Variants in AGBL1 observed in about 807,000 individuals in gnomAD.
AGBL1 encodes cytosolic carboxypeptidase 4.
A neutral mutation model predicts 118.9 loss-of-function variants in AGBL1; 130 were observed. That is an observed-to-expected ratio of 1.09 (90% confidence interval 0.95 to 1.26). AGBL1 has a LOEUF of 1.26. Ranked by LOEUF, AGBL1 falls within the 50% of genes most tolerant of loss-of-function variation. The pLI, the probability that AGBL1 is intolerant of heterozygous loss-of-function variation, is 0.00. For missense variants in AGBL1, 1,584 were observed against 1,298.1 expected (o/e 1.22, Z -3.38); for synonymous variants, 555 against 478.9 (o/e 1.16, Z -2.08).
chr15:86,145,085 G>A (rs151121869), intron 3 of AGBL1, among the ~76,000 whole-genome samples: 1 of 152,170 alleles, frequency 6.6e-6, no homozygotes, highest in African/African-American at 2.4e-5. Flanking sequence ...TTCACGTGCT[G>A]TTCTCCTCTG....
intron 1 of AGBL1, among the ~76,000 whole-genome samples, chr15:86,096,215 T>G (rs976034309): frequency 6.6e-6 from 1 of 152,124 alleles, no homozygotes; most frequent in Admixed American, 6.5e-5. Flanking sequence ...TATAAACACA[T>G]AATGTTATTT....
intron 5 of AGBL1, among the ~76,000 whole-genome samples, chr15:86,196,880 C>T (rs895041717): frequency 3.9e-5 from 1 of 25,914 alleles, no homozygotes; most frequent in African/African-American, 1.5e-4. Context: ...CGCGCGCGCG[C>T]ACACACACAC....
chr15:86,292,340 G>A (rs565253813), intron 16 of AGBL1, among the ~76,000 whole-genome samples: 2 of 152,240 alleles, frequency 1.3e-5, no homozygotes, highest in East Asian at 3.9e-4. Flanking sequence ...GAGGTACCAT[G>A]AGTGAAGGAA....
intron 22 of AGBL1, among the ~76,000 whole-genome samples, chr15:86,706,150 A>C (rs568762841): frequency 6.6e-6 from 1 of 152,100 alleles, no homozygotes; most frequent in Non-Finnish European, 1.5e-5. Flanking sequence ...TATGAATACT[A>C]TTGAAGGTTA....
intron 5 of AGBL1, among the ~76,000 whole-genome samples, chr15:86,199,951 C>G (rs904524967): frequency 6.6e-6 from 1 of 152,144 alleles, no homozygotes; most frequent in Non-Finnish European, 1.5e-5. Context: ...TTCTAACATG[C>G]CTGTGAGTTT....
At chr15:86,090,395 C>A (rs756172101) in intron 1 of AGBL1, among the ~76,000 whole-genome samples, 41 of 152,140 alleles carry the variant, frequency 2.7e-4, no homozygotes, top group African/African-American at 9.7e-4. Context: ...AAGACAACTT[C>A]GTAAGCACTT....
rs905899042 is a variant in AGBL1, at chr15:86,837,044, G to C, written c.3159-70043G>C. Among the ~76,000 whole-genome samples the C allele has an allele frequency of 2.0e-5, 3 of 152,092 alleles. No individual in the cohort carries two copies. In the East Asian group the frequency reaches 5.8e-4, roughly 29 times the overall value. On this transcript the variant is annotated intron_variant, in intron 22 of 22. Transcript: ENST00000614907. ...CCTCTAGCACCTAGAAAAGGGCTTG[G>C]AAGACAGCCACACACACTCCTTTCC...
At chr15:87,031,461 A>ATTTT (rs372512423), downstream of AGBL1, among the ~76,000 whole-genome samples, 101 of 144,064 alleles carry the variant, frequency 7.0e-4, no homozygotes, top group African/African-American at 2.3e-3. Context: ...ATGTCAAATG[A>ATTTT]TTTTTTCTTT....
chr15:87,019,480 A>G (rs1308297312), intron 24 of AGBL1, among the ~76,000 whole-genome samples: 1 of 152,128 alleles, frequency 6.6e-6, no homozygotes. Context: ...ACTTAAAACT[A>G]TATAACTACA....
At chr15:86,925,812 C>T (rs994429276) in intron 23 of AGBL1, among the ~76,000 whole-genome samples, 1 of 150,912 alleles carries the variant, frequency 6.6e-6, no homozygotes, top group Admixed American at 6.6e-5. Flanking sequence ...CTCACTGCAA[C>T]CTCCACCTCC....
chr15:86,609,657 A>T (rs964735442), intron 21 of AGBL1, among the ~76,000 whole-genome samples: 6 of 152,194 alleles, frequency 3.9e-5, no homozygotes, highest in African/African-American at 1.4e-4. Flanking sequence ...AAATCCATTT[A>T]TTCTAACAAA....
intron 18 of AGBL1, among the ~76,000 whole-genome samples, chr15:86,411,190 G>T (rs542381636): frequency 6.6e-6 from 1 of 151,710 alleles, no homozygotes; most frequent in South Asian, 2.1e-4. Context: ...CTCCATCAAG[G>T]TATCTCCAAG....
At chr15:86,891,038 G>GT (rs2080045107) in intron 22 of AGBL1, among the ~76,000 whole-genome samples, 1 of 152,134 alleles carries the variant, frequency 6.6e-6, no homozygotes, top group Non-Finnish European at 1.5e-5. Context: ...AACATGAAAT[G>GT]TTTTTTCATT....
At chr15:86,843,142 G>C (rs1029277928) in intron 22 of AGBL1, among the ~76,000 whole-genome samples, 49 of 152,128 alleles carry the variant, frequency 3.2e-4, no homozygotes, top group African/African-American at 1.1e-3. Flanking sequence ...GGCAACAACA[G>C]AAAAAGCAAG....
At chr15:86,717,599 C>G (rs1435188140) in intron 22 of AGBL1, among the ~76,000 whole-genome samples, 1 of 152,114 alleles carries the variant, frequency 6.6e-6, no homozygotes. Context: ...GGCCAGTTGC[C>G]CTAGGGAGCA....
rs1283035468 is a variant in AGBL1, at chr15:86,247,702, C to G, written c.558C>G (p.Gly186=). Residue 186 remains glycine, a synonymous_variant, in exon 7 of 23, where the codon GGC becomes GGG. Transcript: ENST00000614907. Reference sequence around the variant, plus strand: ...ACGGCCGCAGAGCAGTGAACCGAGGCTACGTCACCAGCCTGCTCGGGCTGC... The same window carrying G: ...ACGGCCGCAGAGCAGTGAACCGAGGGTACGTCACCAGCCTGCTCGGGCTGC... ...KSNGRRAVNR[G]YVTSLLGLHQ... 2 of 1,611,910 alleles carry G rather than the reference C, an allele frequency of 1.2e-6. No homozygotes were observed. The highest frequency in any genetic ancestry group is 1.7e-6 in the Non-Finnish European group (2 of 1,179,030).
intron 22 of AGBL1, among the ~76,000 whole-genome samples, chr15:86,819,299 T>C (rs974770594): frequency 2.0e-5 from 3 of 151,934 alleles, no homozygotes; most frequent in African/African-American, 7.3e-5. Flanking sequence ...TACACAAAGA[T>C]AAGGAGAAAA....
intron 22 of AGBL1, among the ~76,000 whole-genome samples, chr15:86,730,175 A>G (rs2077508684): frequency 6.6e-6 from 1 of 152,216 alleles, no homozygotes; most frequent in Non-Finnish European, 1.5e-5. Context: ...ATGAAATCTT[A>G]TAAGAAAACC....
At chr15:86,730,152 A>G (rs1385416937) in intron 22 of AGBL1, among the ~76,000 whole-genome samples, 1 of 152,226 alleles carries the variant, frequency 6.6e-6, no homozygotes, top group Admixed American at 6.5e-5. Flanking sequence ...ATTTAAATGT[A>G]AGATCTCGAA....
Sources: allele counts gnomAD v4.1 joint callset (sites outside exome capture counted in the v4.1 genomes callset), GRCh38; gene constraint gnomAD v4.1.1; transcripts MANE v1.5; gene names NCBI Gene and HGNC (gene_info 2026-07-23, HGNC 2026-07-21).